The following CAMK4 variants were observed in gnomAD, a reference collection of about 807,000 sequenced individuals.
CAMK4 encodes the protein calcium/calmodulin dependent protein kinase IV.
Under a neutral mutation model 44.9 loss-of-function variants are expected in CAMK4, and 22 were observed. That is an observed-to-expected ratio of 0.49 (90% CI 0.35 to 0.70). The LOEUF (loss-of-function observed/expected upper bound fraction) is 0.70. Ranked by LOEUF, CAMK4 falls within the 30% of genes least tolerant of loss-of-function variation. The pLI, the probability that CAMK4 is intolerant of heterozygous loss-of-function variation, is 0.01. For missense variants in CAMK4, 498 were observed against 586.8 expected (o/e 0.85, Z 1.56); for synonymous variants, 218 against 215.4 (o/e 1.01, Z -0.11).
At chr5:111,327,362 T>C (rs1748943860) in intron 1 of CAMK4, among the ~76,000 whole-genome samples, 1 of 150,472 alleles carries the variant, frequency 6.6e-6, no homozygotes, top group Admixed American at 6.7e-5. Flanking sequence ...GGCTGCATAG[T>C]ATTCCATGGT....
intron 1 of CAMK4, among the ~76,000 whole-genome samples, chr5:111,342,988 T>A (rs1749708152): frequency 6.6e-6 from 1 of 151,692 alleles, no homozygotes; most frequent in Non-Finnish European, 1.5e-5. Flanking sequence ...ATTTTTGCCT[T>A]AGTTATCTTT....
At chr5:111,316,888 C>T (rs907388806) in intron 1 of CAMK4, among the ~76,000 whole-genome samples, 2 of 152,030 alleles carry the variant, frequency 1.3e-5, no homozygotes, top group South Asian at 4.2e-4. Context: ...AACCAGAACA[C>T]GAAGTGAAGA....
rs1370700643 is a variant in CAMK4 at position 111,487,853 on chromosome 5, A to G, written c.*3387A>G. On this transcript the variant is annotated 3_prime_UTR_variant, in exon 11 of 11. Transcript: ENST00000282356. ...CACATTGAGGAGCTGGTGGGAGGCC[A>G]CAAAGAAAGTGTTTCAGAAATGTTA... 6.6e-6 allele frequency: 1 copy of G among 152,194 alleles called. No homozygotes were observed. The highest frequency in any genetic ancestry group is 1.5e-5 in the Non-Finnish European group (1 of 68,038). The allele number at this position is 152,194 out of a possible 1,614,324, so 9.4% of individuals were successfully genotyped here. A position where few individuals can be genotyped will look rare whatever the true frequency, so the allele number is the denominator to read the frequency against.
At chr5:111,443,263 TATATATATATATATATACACACAC>T (rs1318835117) in intron 5 of CAMK4, among the ~76,000 whole-genome samples, 9 of 45,846 alleles carry the variant, frequency 2.0e-4, no homozygotes, top group Admixed American at 6.0e-4. Context: ...TATATATATA[TATATATATATATATATACACACAC>T]ACACACACAC....
intron 2 of CAMK4, among the ~76,000 whole-genome samples, chr5:111,356,255 G>T (rs1336852712): frequency 1.3e-5 from 2 of 151,380 alleles, no homozygotes; most frequent in African/African-American, 4.8e-5. Context: ...GATGGCCAGT[G>T]ATGATGAGCA....
intron 1 of CAMK4, among the ~76,000 whole-genome samples, chr5:111,255,227 C>A (rs1391442913): frequency 6.6e-6 from 1 of 152,132 alleles, no homozygotes. Flanking sequence ...GGTTCCTGAG[C>A]CTTATAAATA....
chr5:111,270,200 C>T (rs1174655984), intron 1 of CAMK4: 1 of 152,208 alleles, frequency 6.6e-6, no homozygotes, highest in East Asian at 1.9e-4. Flanking sequence ...ATATTTAAAA[C>T]ATGTTAACTC....
intron 5 of CAMK4, among the ~76,000 whole-genome samples, chr5:111,441,164 A>G (rs1219587031): frequency 1.3e-5 from 2 of 152,168 alleles, no homozygotes; most frequent in East Asian, 1.9e-4. Flanking sequence ...AAATCTCAAT[A>G]TACGTATTTC....
chr5:111,356,618 A>G (rs1750367958), intron 2 of CAMK4, among the ~76,000 whole-genome samples: 1 of 152,214 alleles, frequency 6.6e-6, no homozygotes, highest in African/African-American at 2.4e-5. Context: ...GTTTTCTTCT[A>G]GGGTTTTTAT....
chr5:111,429,583 G>A (rs1364614524), intron 5 of CAMK4, among the ~76,000 whole-genome samples: 4 of 151,686 alleles, frequency 2.6e-5, no homozygotes, highest in African/African-American at 7.3e-5. Context: ...GATCAGCATG[G>A]GCAACATGGC....
intron 1 of CAMK4, among the ~76,000 whole-genome samples, chr5:111,333,884 C>G (rs887984151): frequency 1.3e-5 from 2 of 151,482 alleles, no homozygotes; most frequent in Non-Finnish European, 3.0e-5. Flanking sequence ...AAGACAGTGG[C>G]TGTAGAATAA....
chr5:111,466,941 A>G (rs1478496997), intron 7 of CAMK4, among the ~76,000 whole-genome samples: 1 of 152,226 alleles, frequency 6.6e-6, no homozygotes, highest in Non-Finnish European at 1.5e-5. Flanking sequence ...CTGACTTTAT[A>G]CTGTAAGGCC....
chr5:111,370,367 T>G (rs1750957757), intron 2 of CAMK4, among the ~76,000 whole-genome samples: 1 of 152,140 alleles, frequency 6.6e-6, no homozygotes, highest in African/African-American at 2.4e-5. Flanking sequence ...AGAATGCATA[T>G]TTGTGTTAGA....
At chr5:111,254,320 C>T (rs1222500760) in intron 1 of CAMK4, among the ~76,000 whole-genome samples, 5 of 152,158 alleles carry the variant, frequency 3.3e-5, no homozygotes, top group Admixed American at 1.3e-4. Context: ...TCACTGTGGA[C>T]AAGACCCTCT....
intron 5 of CAMK4, among the ~76,000 whole-genome samples, chr5:111,406,194 T>TTCTCTC (rs10524853): frequency 0.099 from 13,504 of 136,638 alleles, 844 homozygotes; most frequent in African/African-American, 0.16. Context: ...CTAATTTATT[T>TTCTCTC]TCTCTCTCTC....
chr5:111,347,510 C>G (rs1024546831), intron 2 of CAMK4, among the ~76,000 whole-genome samples: 1 of 152,006 alleles, frequency 6.6e-6, no homozygotes, highest in Non-Finnish European at 1.5e-5. Context: ...TGCCTGAAAT[C>G]TCCCTAGAAG....
chr5:111,406,837 T>C (rs1403799506), intron 5 of CAMK4, among the ~76,000 whole-genome samples: 2 of 152,180 alleles, frequency 1.3e-5, no homozygotes, highest in African/African-American at 4.8e-5. Context: ...GTCTTCACTT[T>C]TGCAAAAACT....
chr5:111,441,222 A>G (rs992292032), intron 5 of CAMK4, among the ~76,000 whole-genome samples: 1 of 152,242 alleles, frequency 6.6e-6, no homozygotes, highest in Non-Finnish European at 1.5e-5. Context: ...AACAGAACTT[A>G]GCAGAGATAT....
chr5:111,262,683 A>G (rs1750040102), intron 1 of CAMK4, among the ~76,000 whole-genome samples: 1 of 152,208 alleles, frequency 6.6e-6, no homozygotes, highest in Non-Finnish European at 1.5e-5. Context: ...TTTATATTCC[A>G]TCAATAACAA....
Sources: gnomAD v4.1 joint callset for allele counts (sites outside exome capture counted in the v4.1 genomes callset) on GRCh38, gnomAD v4.1.1 for gene constraint, MANE v1.5 for transcripts, NCBI Gene and HGNC (gene_info 2026-07-23, HGNC 2026-07-21) for gene names.